CLIC5: variants seen among roughly 807,000 people sequenced by gnomAD.
The protein encoded by CLIC5 is CLIC family member 5.
CLIC5 carries 20 observed loss-of-function variants against 24.7 expected under a neutral mutation model. That is an observed-to-expected ratio of 0.81 (90% CI 0.57 to 1.18). The LOEUF is 1.18. CLIC5 is among the 50% of genes most tolerant of loss of function. The pLI is 0.00. For synonymous variants in CLIC5, 159 were observed against 135.6 expected (o/e 1.17, Z -1.20); for missense variants, 341 against 326.1 (o/e 1.05, Z -0.35).
At chr6:45,935,552 T>C (rs1348571695) in intron 4 of CLIC5, among the ~76,000 whole-genome samples, 1 of 152,230 alleles carries the variant, frequency 6.6e-6, no homozygotes, top group Non-Finnish European at 1.5e-5. Context: ...ACCCAGGGCA[T>C]AACTTCTCCC....
At chr6:46,098,073 C>T in the CLIC5 span, among the ~76,000 whole-genome samples, 1 of 152,168 alleles carries the variant, frequency 6.6e-6, no homozygotes, top group Non-Finnish European at 1.5e-5. Flanking sequence ...GGCAATGGTA[C>T]ATTAAAAATT....
At chr6:45,918,032 C>T (rs1402438307) in intron 4 of CLIC5, among the ~76,000 whole-genome samples, 5 of 152,170 alleles carry the variant, frequency 3.3e-5, no homozygotes, top group Non-Finnish European at 7.4e-5. Context: ...GATAGATACC[C>T]AGTGTTTTAA....
At chr6:45,943,560 A>G (rs1165297638) in intron 3 of CLIC5, among the ~76,000 whole-genome samples, 2 of 152,264 alleles carry the variant, frequency 1.3e-5, no homozygotes, top group Non-Finnish European at 2.9e-5. Flanking sequence ...TTAAATTGCT[A>G]TTAACAAATG....
exon 7 of CLIC5, chr6:45,881,023 C>G: frequency 7.5e-6 from 3 of 397,850 alleles, no homozygotes; most frequent in Admixed American, 4.4e-5. Context: ...TATTTAAACT[C>G]TTAGGTTTTT....
At chr6:45,951,939 G>A (rs954723937) in intron 2 of CLIC5, among the ~76,000 whole-genome samples, 2 of 152,200 alleles carry the variant, frequency 1.3e-5, no homozygotes, top group African/African-American at 4.8e-5. Context: ...TCAGACAACT[G>A]AGACGGAAAG....
the CLIC5 span, among the ~76,000 whole-genome samples, chr6:46,088,161 CTGTGTGTGTGTGTG>C: frequency 6.8e-6 from 1 of 146,340 alleles, no homozygotes; most frequent in Admixed American, 6.8e-5. Flanking sequence ...CGCTCTCTTT[CTGTGTGTGTGTGTG>C]TGTGTGTGTG....
intron 1 of CLIC5, among the ~76,000 whole-genome samples, chr6:45,960,576 C>T (rs1232023362): frequency 6.6e-6 from 1 of 152,162 alleles, no homozygotes; most frequent in Admixed American, 6.5e-5. Context: ...CATGCAACCC[C>T]CCTGGCACCT....
At chr6:46,008,370 A>G (rs1464002329) in intron 1 of CLIC5, among the ~76,000 whole-genome samples, 1 of 152,000 alleles carries the variant, frequency 6.6e-6, no homozygotes, top group East Asian at 1.9e-4. Context: ...TCAAGACTCA[A>G]CTCAGGTCCC....
At chr6:45,950,533 T>C (rs997785061) in intron 2 of CLIC5, among the ~76,000 whole-genome samples, 3 of 152,182 alleles carry the variant, frequency 2.0e-5, no homozygotes, top group Non-Finnish European at 2.9e-5. Context: ...ATGGCACCAC[T>C]GCCCTCCAGT....
At chr6:46,015,909 G>C (rs1213766409), upstream of CLIC5, 3 of 1,012,070 alleles carry the variant, frequency 3.0e-6, no homozygotes, top group Non-Finnish European at 3.5e-6. Context: ...CTGCAGGGCG[G>C]GGTCAGCCGG....
intron 1 of CLIC5, among the ~76,000 whole-genome samples, chr6:46,046,890 G>A (rs940510805): frequency 1.3e-5 from 2 of 152,160 alleles, no homozygotes; most frequent in Non-Finnish European, 2.9e-5. Context: ...AACAATCTGT[G>A]TCCATTTATC....
chr6:46,030,716 A>G (rs889577296), intron 1 of CLIC5, among the ~76,000 whole-genome samples: 1 of 152,122 alleles, frequency 6.6e-6, no homozygotes, highest in Non-Finnish European at 1.5e-5. Flanking sequence ...CCAAACCTCC[A>G]TGCCTTTGCT....
At chr6:45,955,328 TGAGG>T in intron 1 of CLIC5, 84 bp from the exon 2 acceptor site, 2 of 913,240 alleles carry the variant, frequency 2.2e-6, no homozygotes, top group African/African-American at 1.6e-5. Flanking sequence ...AATGCAGGTC[TGAGG>T]AGACCTTACT....
chr6:45,955,158 A>G lies in CLIC5; in HGVS notation c.150T>C (p.Asn50=), dbSNP rs771577096. The change falls in exon 2 of 6, where the codon AAT becomes AAC. Residue 50 remains asparagine, a synonymous_variant. Coordinates refer to ENST00000339561, the MANE Select transcript of CLIC5 (RefSeq NM_016929.5). The part of the protein sequence containing the change: ...MILWLKGVVF[N]VTTVDLKRKP... ...ACCTTTTCAGATCCACAGTGGTGAC[A>G]TTGAACACGACTCCTTTCAGCCAGA... 2 of 1,613,618 alleles carry G rather than the reference A, an allele frequency of 1.2e-6. No homozygotes were observed. The highest frequency in any genetic ancestry group is 1.1e-5 in the South Asian group (1 of 91,066).
intron 1 of CLIC5, chr6:46,014,225 C>T (rs3798269): frequency 0.5 from 76,676 of 152,032 alleles, 19,993 homozygotes; most frequent in Non-Finnish European, 0.57. Context: ...GGAGACAGAT[C>T]ACGTACCAAG....
chr6:45,935,652 T>C (rs1456402036), intron 4 of CLIC5, among the ~76,000 whole-genome samples: 5 of 152,222 alleles, frequency 3.3e-5, no homozygotes, highest in African/African-American at 9.6e-5. Context: ...ATCTCAAAGA[T>C]GCTCTTTCGC....
chr6:46,119,086 C>T, the CLIC5 span, among the ~76,000 whole-genome samples: 9 of 152,184 alleles, frequency 5.9e-5, no homozygotes, highest in African/African-American at 2.2e-4. Flanking sequence ...AAAATGAATT[C>T]TCTTCAAGAA....
In CLIC5 at chr6:46,023,901, A is replaced by G. The variant is rs1277721153; in HGVS notation, c.540+55802T>C. Among the ~76,000 whole-genome samples, 4 of 152,224 alleles carry G rather than the reference A, an allele frequency of 2.6e-5. No homozygotes were observed. In the East Asian group the frequency reaches 7.7e-4, roughly 29 times the overall value. ...CATATAACAAAATTCAAAAAAAAAAAAAATCCACCCACAACTGTCACCTAG... is the reference window on the plus strand; with the variant it reads ...CATATAACAAAATTCAAAAAAAAAAGAAATCCACCCACAACTGTCACCTAG... On this transcript the variant is annotated intron_variant, in intron 1 of 5. Coordinates refer to the CLIC5 transcript ENST00000185206.
chr6:45,995,523 G>A (rs1766101963), intron 1 of CLIC5, among the ~76,000 whole-genome samples: 1 of 152,146 alleles, frequency 6.6e-6, no homozygotes, highest in African/African-American at 2.4e-5. Context: ...GTTCATACAA[G>A]CCCTACCTAC....
Sources: allele counts gnomAD v4.1 joint callset (sites outside exome capture counted in the v4.1 genomes callset), GRCh38; gene constraint gnomAD v4.1.1; transcripts MANE v1.5; gene names NCBI Gene and HGNC (gene_info 2026-07-23, HGNC 2026-07-21).